Variants in LY86 observed in about 807,000 individuals in gnomAD.
The protein encoded by LY86 is lymphocyte antigen 86.
LY86 carries 20 observed loss-of-function variants against 17.3 expected under a neutral mutation model. That is an observed-to-expected ratio of 1.15 (90% CI 0.81 to 1.68). The LOEUF is 1.68. Ranked by LOEUF, LY86 falls within the 40% of genes most tolerant of loss-of-function variation. The pLI is 0.00. For synonymous variants in LY86, 74 were observed against 70.6 expected (o/e 1.05, Z -0.24); for missense variants, 200 against 191.9 (o/e 1.04, Z -0.25).
chr6:6,615,064 C>T (rs1409424372), intron 1 of LY86, among the ~76,000 whole-genome samples: 1 of 151,952 alleles, frequency 6.6e-6, no homozygotes, highest in African/African-American at 2.4e-5. Context: ...AACTTTGAGC[C>T]GAGTGATACA....
intron 3 of LY86, among the ~76,000 whole-genome samples, chr6:6,640,409 A>T (rs1186890625): frequency 1.4e-5 from 2 of 139,888 alleles, no homozygotes; most frequent in East Asian, 2.0e-4. Flanking sequence ...AAATAAAAAT[A>T]AAAAAAAAAG....
intron 2 of LY86, among the ~76,000 whole-genome samples, 154 bp from the exon 3 acceptor site, chr6:6,626,139 C>T (rs1269793009): frequency 6.6e-6 from 1 of 152,164 alleles, no homozygotes; most frequent in Non-Finnish European, 1.5e-5. Context: ...TGCCTAAATG[C>T]TGTTTTACCA....
intron 1 of LY86, among the ~76,000 whole-genome samples, chr6:6,592,679 T>C (rs4960215): frequency 0.4 from 60,362 of 151,958 alleles, 12,412 homozygotes; most frequent in Non-Finnish European, 0.46. Context: ...GGGATTAATA[T>C]CTTAAAAGAA....
At chr6:6,592,048 A>G (rs2113070070) in intron 1 of LY86, among the ~76,000 whole-genome samples, 1 of 152,348 alleles carries the variant, frequency 6.6e-6, no homozygotes, top group South Asian at 2.1e-4. Context: ...GCAGGAGTGT[A>G]GATTTTGAAT....
At chr6:6,653,308 C>G (rs1306803303) in intron 4 of LY86, among the ~76,000 whole-genome samples, 1 of 152,148 alleles carries the variant, frequency 6.6e-6, no homozygotes, top group African/African-American at 2.4e-5. Context: ...TTCCCTCTTG[C>G]TTTATACAGA....
intron 1 of LY86, among the ~76,000 whole-genome samples, chr6:6,613,481 G>A (rs1475971373): frequency 1.3e-5 from 2 of 152,212 alleles, no homozygotes; most frequent in Non-Finnish European, 2.9e-5. Flanking sequence ...CACAGCAGCT[G>A]CTGGCCCAGG....
chr6:6,644,560 C>T (rs1762083392), intron 3 of LY86, among the ~76,000 whole-genome samples: 2 of 151,688 alleles, frequency 1.3e-5, no homozygotes, highest in African/African-American at 4.8e-5. Context: ...TGATGTCACC[C>T]AAAACCCTTG....
intron 1 of LY86, among the ~76,000 whole-genome samples, chr6:6,598,642 C>T (rs541579885): frequency 6.6e-6 from 1 of 152,200 alleles, no homozygotes; most frequent in Non-Finnish European, 1.5e-5. Flanking sequence ...TGCTTTTTTT[C>T]TCAAGTGATG....
At chr6:6,623,203 G>A (rs1761717767) in intron 1 of LY86, among the ~76,000 whole-genome samples, 1 of 152,232 alleles carries the variant, frequency 6.6e-6, no homozygotes, top group South Asian at 2.1e-4. Context: ...AAGGACCCCT[G>A]AAGGCTGGGA....
chr6:6,605,883 G>T (rs536656160), intron 1 of LY86, among the ~76,000 whole-genome samples: 1 of 148,484 alleles, frequency 6.7e-6, no homozygotes, highest in Non-Finnish European at 1.5e-5. Context: ...CGTTTCTCGC[G>T]GTGGGTTCTT....
intron 1 of LY86, among the ~76,000 whole-genome samples, chr6:6,607,684 G>GAGGT (rs113863538): frequency 0.11 from 17,065 of 152,122 alleles, 1,060 homozygotes; most frequent in South Asian, 0.16. Context: ...TAGATCACCT[G>GAGGT]AGGTCAGTTG....
rs1301337179 is a variant in LY86 at position 6,618,904 on chromosome 6, A to G, written c.137-6022A>G. Reference sequence around the variant, plus strand: ...AGCTAGAATACATTTACCACATTGTAAATTATTTCTTTTTCCACAAAGGTG... The same window carrying G: ...AGCTAGAATACATTTACCACATTGTGAATTATTTCTTTTTCCACAAAGGTG... On this transcript the variant is annotated intron_variant, in intron 1 of 4. Coordinates refer to ENST00000230568, the MANE Select transcript of LY86 (RefSeq NM_004271.4). Among the ~76,000 whole-genome samples the G allele has an allele frequency of 2.0e-5, 3 of 152,240 alleles. No homozygotes were observed. In the East Asian group the frequency reaches 5.8e-4, roughly 29 times the overall value.
intron 1 of LY86, among the ~76,000 whole-genome samples, chr6:6,613,739 T>G (rs1198165321): frequency 1.3e-5 from 2 of 151,852 alleles, no homozygotes; most frequent in East Asian, 1.9e-4. Context: ...GCGGCCAGAG[T>G]GGGCGCCAAG....
intron 4 of LY86, among the ~76,000 whole-genome samples, chr6:6,652,250 T>C (rs1762198124): frequency 2.0e-5 from 3 of 151,964 alleles, no homozygotes; most frequent in Admixed American, 1.3e-4. Flanking sequence ...AATCCCAAAA[T>C]GGGCTCCCTA....
At chr6:6,638,254 C>T (rs1439519477) in intron 3 of LY86, among the ~76,000 whole-genome samples, 1 of 152,156 alleles carries the variant, frequency 6.6e-6, no homozygotes, top group African/African-American at 2.4e-5. Context: ...CATTAAGACT[C>T]TTTATATTGG....
chr6:6,600,587 CAAAAAAAAAAAAAAAAAAAA>C lies in LY86; in HGVS notation c.136+11739_136+11758del, dbSNP rs59560744. Among the ~76,000 whole-genome samples, 84 of 82,454 alleles carry C rather than the reference CAAAAAAAAAAAAAAAAAAAA, an allele frequency of 1.0e-3. 1 individual carries two copies. The highest frequency in any genetic ancestry group is 3.8e-3 in the African/African-American group (74 of 19,644). 54.1% of individuals were successfully genotyped at this position (82,454 alleles called of 152,430 possible). A position where few individuals can be genotyped will look rare whatever the true frequency, so the allele number is the denominator to read the frequency against. On this transcript the variant is annotated intron_variant, in intron 1 of 4. Coordinates refer to ENST00000230568, the MANE Select transcript of LY86 (RefSeq NM_004271.4). ...CCTGAGAGACAGAGTGAGACTCCAT[CAAAAAAAAAAAAAAAAAAAA>C]AAAAAAAAAAAAAAAAAAAAAGAAA...
chr6:6,605,415 C>A (rs1761081515), intron 1 of LY86, among the ~76,000 whole-genome samples: 1 of 152,206 alleles, frequency 6.6e-6, no homozygotes, highest in Non-Finnish European at 1.5e-5. Context: ...TCGCAATGAA[C>A]AGACCTCCAA....
chr6:6,605,516 G>C (rs541461027), intron 1 of LY86, among the ~76,000 whole-genome samples: 1 of 152,352 alleles, frequency 6.6e-6, no homozygotes, highest in South Asian at 2.1e-4. Flanking sequence ...GCCATGGGGG[G>C]TCTCCCCACA....
At chr6:6,596,355 A>C (rs1760712290) in intron 1 of LY86, among the ~76,000 whole-genome samples, 1 of 152,210 alleles carries the variant, frequency 6.6e-6, no homozygotes, top group South Asian at 2.1e-4. Context: ...AGAACCTAAT[A>C]ATTCTGAAGG....
Sources: allele counts gnomAD v4.1 joint callset (sites outside exome capture counted in the v4.1 genomes callset), GRCh38; gene constraint gnomAD v4.1.1; transcripts MANE v1.5; gene names NCBI Gene and HGNC (gene_info 2026-07-23, HGNC 2026-07-21).